PRKN: variants seen among roughly 807,000 people sequenced by gnomAD.
PRKN encodes the protein parkin RBR E3 ubiquitin protein ligase, also known as E3 ubiquitin-protein ligase parkin.
Under a neutral mutation model 59.5 loss-of-function variants are expected in PRKN, and 56 were observed. That is an observed-to-expected ratio of 0.94 (90% CI 0.76 to 1.18). The LOEUF (loss-of-function observed/expected upper bound fraction) is 1.18, where lower values mean the gene tolerates loss of function less well. PRKN is among the 50% of genes most tolerant of loss of function. The pLI is 0.00. For synonymous variants in PRKN, 250 were observed against 222.1 expected, an observed-to-expected ratio of 1.13 and a Z score of -1.12; for missense variants, 657 against 596.4, an observed-to-expected ratio of 1.10 and a Z score of -1.06.
intron 7 of PRKN, among the ~76,000 whole-genome samples, chr6:161,688,158 G>C (rs1028066836): frequency 6.6e-5 from 10 of 152,156 alleles, no homozygotes; most frequent in Non-Finnish European, 7.3e-5. Flanking sequence ...AATTAGACTG[G>C]ATCTTAAGTG....
rs185375436 is a variant in PRKN, at chr6:161,405,375, C to T, written c.1084-18498G>A. ...GGTGGATCAATTGAGGTCAGGAGTT[C>T]GAGACCAGCCTGGCCAACATGGTGA... On this transcript the variant is annotated intron_variant, in intron 9 of 11. Coordinates refer to ENST00000366898, the MANE Select transcript of PRKN (RefSeq NM_004562.3). The surrounding 1 kb of genome is among the most constrained non-coding windows in gnomAD (Gnocchi z 5.1). 5.9e-5 allele frequency among the ~76,000 whole-genome samples: 9 copies of T among 152,012 alleles called. No individual in the cohort carries two copies. Among genetic ancestry groups the T allele is most frequent in the Admixed American group, 2.0e-4 (3 of 15,274 alleles).
At chr6:161,852,327 C>T (rs1216911849) in intron 6 of PRKN, among the ~76,000 whole-genome samples, 1 of 151,976 alleles carries the variant, frequency 6.6e-6, no homozygotes, top group Non-Finnish European at 1.5e-5. Context: ...GTGGTGCAAG[C>T]CTATAGTCTT....
intron 7 of PRKN, among the ~76,000 whole-genome samples, chr6:161,752,620 A>T (rs1434290364): frequency 6.6e-6 from 1 of 152,154 alleles, no homozygotes; most frequent in Admixed American, 6.5e-5. Context: ...TCAAGCCTGG[A>T]AGGTCAAGGC....
chr6:161,622,662 C>T (rs1782950666), intron 7 of PRKN, among the ~76,000 whole-genome samples: 1 of 152,216 alleles, frequency 6.6e-6, no homozygotes. Flanking sequence ...CTGCCACTAC[C>T]TCATGCCCTC....
chr6:161,513,869 G>T (rs1456026344), intron 9 of PRKN, among the ~76,000 whole-genome samples: 2 of 152,044 alleles, frequency 1.3e-5, no homozygotes, highest in Non-Finnish European at 2.9e-5. Context: ...CTGACCTTTT[G>T]TTCCCTCCTC....
At position 162,141,293 on chromosome 6, in the gene PRKN, T is replaced by C. The variant is rs114161825; in HGVS notation, c.534+59838A>G. Among the ~76,000 whole-genome samples, 411 of 152,308 alleles carry C rather than the reference T, an allele frequency of 2.7e-3. 3 individuals are homozygous for C. Among genetic ancestry groups the C allele is most frequent in the African/African-American group, 9.2e-3 (382 of 41,576 alleles). ...AAAAGTAAGTTTTCTGGGTTTTTAA[T>C]AAAAATTATCAAAAGTATCTAAGAT... On this transcript the variant is annotated intron_variant, in intron 4 of 11. Coordinates refer to ENST00000366898, the MANE Select transcript of PRKN (RefSeq NM_004562.3).
At chr6:162,067,446 G>A (rs1411879263) in intron 4 of PRKN, among the ~76,000 whole-genome samples, 1 of 152,034 alleles carries the variant, frequency 6.6e-6, no homozygotes, top group Non-Finnish European at 1.5e-5. Flanking sequence ...TAAGTCTTTT[G>A]GAAGACAAAA....
At chr6:162,449,584 T>C (rs1319364730) in intron 1 of PRKN, among the ~76,000 whole-genome samples, 3 of 151,996 alleles carry the variant, frequency 2.0e-5, no homozygotes, top group Admixed American at 6.5e-5. Context: ...ATTTTATTAT[T>C]TATTTTTATT....
At chr6:161,757,898 C>T (rs866913021) in intron 7 of PRKN, among the ~76,000 whole-genome samples, 1,765 of 96,118 alleles carry the variant, frequency 0.018, 34 homozygotes, top group Middle Eastern at 0.052. Flanking sequence ...CACACACACA[C>T]ACACACACAC....
chr6:161,505,843 T>C (rs377648354), intron 9 of PRKN, among the ~76,000 whole-genome samples: 57 of 133,578 alleles, frequency 4.3e-4, no homozygotes, highest in South Asian at 1.0e-3. Context: ...TGTAGATATG[T>C]GGCATTATTT....
intron 4 of PRKN, among the ~76,000 whole-genome samples, chr6:162,183,294 G>A (rs987921959): frequency 6.6e-6 from 1 of 152,158 alleles, no homozygotes; most frequent in African/African-American, 2.4e-5. Context: ...GAGTTCTTCT[G>A]CTGCAGAACC....
Position 161,669,652 on chromosome 6 carries a change from G to A in PRKN, c.872-100236C>T, listed in dbSNP as rs147912117. On this transcript the variant is annotated intron_variant, in intron 7 of 11. Coordinates refer to ENST00000366898, the MANE Select transcript of PRKN (RefSeq NM_004562.3). ...ACGTCTCTTTAAAAATGGTTCTTCT[G>A]CTTCAACCACTAGGGATTCTCAACT... 4.3e-3 allele frequency among the ~76,000 whole-genome samples: 656 copies of A among 152,322 alleles called. 4 individuals are homozygous for A. The highest frequency in any genetic ancestry group is 0.015 in the African/African-American group (633 of 41,570).
chr6:161,515,748 G>A (rs57163100), intron 9 of PRKN, among the ~76,000 whole-genome samples: 21,677 of 152,162 alleles, frequency 0.14, 1,700 homozygotes, highest in African/African-American at 0.19. Flanking sequence ...CTTTCCAGTG[G>A]GTTAGCTTTC....
At chr6:162,436,176 C>CAAAAAAAAAAAA (rs35792526) in intron 2 of PRKN, among the ~76,000 whole-genome samples, 1 of 54,686 alleles carries the variant, frequency 1.8e-5, no homozygotes, top group African/African-American at 6.6e-5. Flanking sequence ...ACTCCATCTC[C>CAAAAAAAAAAAA]AAAAAAAAAA....
At chr6:161,905,928 TAAAAAAAAAA>T (rs750946937) in intron 6 of PRKN, among the ~76,000 whole-genome samples, 1 of 105,006 alleles carries the variant, frequency 9.5e-6, no homozygotes, top group Admixed American at 9.8e-5. Context: ...CCACTGCATC[TAAAAAAAAAA>T]AAAAAAAAAA....
At chr6:162,172,464 G>A (rs1325706968) in intron 4 of PRKN, among the ~76,000 whole-genome samples, 1 of 151,370 alleles carries the variant, frequency 6.6e-6, no homozygotes, top group African/African-American at 2.4e-5. Context: ...AGCCAGGCCG[G>A]CCCACACCCC....
At chr6:161,408,070 G>A (rs775262445) in intron 9 of PRKN, among the ~76,000 whole-genome samples, 1 of 152,080 alleles carries the variant, frequency 6.6e-6, no homozygotes, top group Non-Finnish European at 1.5e-5. Flanking sequence ...TCTTCACATG[G>A]ACAGGCTTGA....
In PRKN at chr6:161,370,025, T is replaced by C. The variant is rs374145158; in HGVS notation, c.1168-9820A>G. ...TTTCTATGATCACCACCATTATTAC[T>C]TTGTTATTGTAATCATCACGATCAT... is the stretch of plus-strand genomic sequence containing the variant. On this transcript the variant is annotated intron_variant, in intron 10 of 11. Transcript: ENST00000366898. The C allele has an allele frequency of 1.0e-4, 44 of 438,564 alleles. No individual in the cohort carries two copies. In the East Asian group the frequency reaches 2.7e-3, roughly 27 times the overall value. The allele number at this position is 438,564 out of a possible 1,614,324, so 27.2% of individuals were successfully genotyped here.
At chr6:161,515,460 C>A (rs1397867975) in intron 9 of PRKN, among the ~76,000 whole-genome samples, 3 of 152,104 alleles carry the variant, frequency 2.0e-5, no homozygotes, top group Non-Finnish European at 4.4e-5. Flanking sequence ...AGAGATGAAT[C>A]TTAATTTTCA....
Sources: allele counts gnomAD v4.1 joint callset (sites outside exome capture counted in the v4.1 genomes callset), GRCh38; gene constraint gnomAD v4.1.1; non-coding constraint Gnocchi (gnomAD v3.1); transcripts MANE v1.5; gene names NCBI Gene and HGNC (gene_info 2026-07-23, HGNC 2026-07-21).